The following SLC2A12 variants were observed in gnomAD, a reference collection of about 807,000 sequenced individuals.
SLC2A12 encodes the protein solute carrier family 2 member 12.
In SLC2A12, 23 loss-of-function variants were observed where a neutral mutation model predicts 41.8. The observed-to-expected ratio is 0.55, with a 90% CI of 0.40 to 0.78. SLC2A12 has a LOEUF of 0.78. SLC2A12 is among the 30% of genes least tolerant of loss of function. SLC2A12 has a pLI of 0.00. For missense variants in SLC2A12, 654 were observed against 745.6 expected, an observed-to-expected ratio of 0.88 and a Z score of 1.43; for synonymous variants, 295 against 285.9, an observed-to-expected ratio of 1.03 and a Z score of -0.32.
In SLC2A12 at chr6:134,007,034, G is replaced by A. The variant is rs183462850; in HGVS notation, c.1445-100C>T. 268 of 1,515,244 alleles carry A rather than the reference G, an allele frequency of 1.8e-4. No individual in the cohort carries two copies. The African/African-American group carries it at 2.5e-3, about 14-fold the overall frequency. The allele number at this position is 1,515,244 out of a possible 1,614,324, so 93.9% of individuals were successfully genotyped here. A position where few individuals can be genotyped will look rare whatever the true frequency, so the allele number is the denominator to read the frequency against. ...GATCTCTCCCTGCCCTCATCCTGCCGGGATTTGTGGTTGGGAAGCACCATT... is the reference window on the plus strand; with the variant it reads ...GATCTCTCCCTGCCCTCATCCTGCCAGGATTTGTGGTTGGGAAGCACCATT... On this transcript the variant is annotated intron_variant, in intron 2 of 4. Transcript: ENST00000275230.
At chr6:134,016,340 C>T (rs760030649) in intron 2 of SLC2A12, among the ~76,000 whole-genome samples, 13 of 151,838 alleles carry the variant, frequency 8.6e-5, no homozygotes, top group Middle Eastern at 3.4e-3. Flanking sequence ...GGAAGACATC[C>T]GGGTAGCTTA....
chr6:134,029,801 C>A, intron 1 of SLC2A12, 80 bp from the exon 2 acceptor site: 1 of 1,491,190 alleles, frequency 6.7e-7, no homozygotes, highest in Non-Finnish European at 8.9e-7. Context: ...GAGATTTAAC[C>A]TTGTAGAAGT....
chr6:134,049,110 G>A (rs958961702), intron 1 of SLC2A12, among the ~76,000 whole-genome samples: 4 of 152,296 alleles, frequency 2.6e-5, no homozygotes, highest in South Asian at 4.1e-4. Context: ...CTTTAAAAGC[G>A]TTTTGAGAAC....
At chr6:134,015,982 C>CT (rs1368106245) in intron 2 of SLC2A12, among the ~76,000 whole-genome samples, 1 of 152,162 alleles carries the variant, frequency 6.6e-6, no homozygotes, top group Non-Finnish European at 1.5e-5. Flanking sequence ...GCTCTATGGT[C>CT]TTTGAGTTTT....
chr6:133,995,523 ATCTGGAACATGTG>A (rs1431099669), intron 4 of SLC2A12, among the ~76,000 whole-genome samples: 1 of 152,162 alleles, frequency 6.6e-6, no homozygotes, highest in Non-Finnish European at 1.5e-5. Flanking sequence ...AGAGAAAGTG[ATCTGGAACATGTG>A]TCTAGGAGAG....
rs1296013819 is a variant in SLC2A12, at chr6:134,041,426, T to C, written c.103+10952A>G. 2.0e-5 allele frequency among the ~76,000 whole-genome samples: 3 copies of C among 151,920 alleles called. No homozygotes were observed. In the East Asian group the frequency reaches 5.8e-4, roughly 29 times the overall value. ...TGTGGCCAGAAGTTCAAGGCTGCAG[T>C]AAGCTATGATTTTACCTCTGCCCTT... On this transcript the variant is annotated intron_variant, in intron 1 of 4. Coordinates refer to ENST00000275230, the MANE Select transcript of SLC2A12 (RefSeq NM_145176.3).
At chr6:134,035,845 G>C (rs1424801488) in intron 1 of SLC2A12, among the ~76,000 whole-genome samples, 8 of 152,186 alleles carry the variant, frequency 5.3e-5, no homozygotes, top group Non-Finnish European at 1.2e-4. Context: ...TCAAAGCTGT[G>C]ATTCAATCAA....
At chr6:134,048,182 T>C (rs6916329) in intron 1 of SLC2A12, among the ~76,000 whole-genome samples, 9,537 of 152,242 alleles carry the variant, frequency 0.063, 700 homozygotes, top group African/African-American at 0.18. Flanking sequence ...CAAGTGAGGT[T>C]AAATGTACAG....
intron 1 of SLC2A12, among the ~76,000 whole-genome samples, chr6:134,041,252 C>T (rs1315708740): frequency 6.6e-6 from 1 of 152,082 alleles, no homozygotes; most frequent in Non-Finnish European, 1.5e-5. Context: ...TTTCAAAATG[C>T]AGTGAGTCAC....
intron 2 of SLC2A12, among the ~76,000 whole-genome samples, chr6:134,017,832 T>C (rs1157243046): frequency 6.8e-6 from 1 of 147,910 alleles, no homozygotes; most frequent in Non-Finnish European, 1.5e-5. Context: ...CCATCCAGCC[T>C]GGGCGACAGA....
chr6:134,029,016 C>T lies in SLC2A12; in HGVS notation c.809G>A (p.Arg270His), dbSNP rs144078437. The T allele has an allele frequency of 3.7e-5, 59 of 1,614,166 alleles. 1 individual carries two copies. The East Asian group carries it at 6.9e-4, about 19-fold the overall frequency. Reference sequence around the variant, plus strand: ...TCGGGTCCGCATGTTGTCTTTTGAACGAAACAGATCCCAAAAACTGTACTG... The same window carrying T: ...TCGGGTCCGCATGTTGTCTTTTGAATGAAACAGATCCCAAAAACTGTACTG... Reference protein sequence around the residue: ...EYQYSFWDLFRSKDNMRTRIM... With the variant: ...EYQYSFWDLFHSKDNMRTRIM... Residue 270 changes from arginine (R) to histidine (H), a missense_variant, in exon 2 of 5, where the codon CGT becomes CAT. Around this residue, in one of 3 missense-constraint regions of SLC2A12, gnomAD observed 411 missense variants for 412.1 expected, o/e 1.00. Coordinates refer to ENST00000275230, the MANE Select transcript of SLC2A12 (RefSeq NM_145176.3).
At chr6:134,041,778 GCTGTGGTGATTTTGCA>G (rs1395610443) in intron 1 of SLC2A12, among the ~76,000 whole-genome samples, 1 of 152,136 alleles carries the variant, frequency 6.6e-6, no homozygotes, top group Non-Finnish European at 1.5e-5. Flanking sequence ...GGCTTTCAAT[GCTGTGGTGATTTTGCA>G]CTTCTGTCTG....
At chr6:134,042,665 G>A (rs1310708791) in intron 1 of SLC2A12, among the ~76,000 whole-genome samples, 2 of 151,918 alleles carry the variant, frequency 1.3e-5, no homozygotes, top group Non-Finnish European at 2.9e-5. Context: ...TTTAAAAGTT[G>A]ATTTATAAGA....
At position 134,028,898 on chromosome 6, in the gene SLC2A12, T is replaced by G; in HGVS notation, c.927A>C (p.Gly309=). ...FYASTVLKSV[G]FQSNEAASLA... is the part of the protein sequence containing the mutation. ...GGCTAGCTGCCTCATTGCTTTGAAA[T>G]CCAACTGACTTCAAAACAGTTGATG... The change falls in exon 2 of 5, where the codon GGA becomes GGC. Residue 309 remains glycine, a synonymous_variant. Coordinates refer to ENST00000275230, the MANE Select transcript of SLC2A12 (RefSeq NM_145176.3). 6.2e-7 allele frequency: 1 copy of G among 1,614,222 alleles called. No homozygotes were observed. Among genetic ancestry groups the G allele is most frequent in the South Asian group, 1.1e-5 (1 of 91,082 alleles).
intron 2 of SLC2A12, among the ~76,000 whole-genome samples, chr6:134,021,383 G>C (rs1212928129): frequency 6.6e-6 from 1 of 152,068 alleles, no homozygotes; most frequent in Non-Finnish European, 1.5e-5. Context: ...GGGACAGAAA[G>C]AAAAAATATG....
At chr6:133,994,154 C>T (rs531069562) in intron 4 of SLC2A12, among the ~76,000 whole-genome samples, 123 of 152,272 alleles carry the variant, frequency 8.1e-4, no homozygotes, top group African/African-American at 2.9e-3. Flanking sequence ...GCCAACACAA[C>T]TTCCTGATAG....
intron 4 of SLC2A12, 58 bp downstream of exon 4, chr6:134,001,939 A>G: frequency 6.4e-7 from 1 of 1,565,038 alleles, no homozygotes; most frequent in Non-Finnish European, 8.6e-7. Context: ...TGCTGTATAT[A>G]AAAGCTGCAC....
chr6:134,003,130 G>A (rs955948399), intron 3 of SLC2A12, among the ~76,000 whole-genome samples: 2 of 152,230 alleles, frequency 1.3e-5, no homozygotes, highest in Non-Finnish European at 2.9e-5. Context: ...TACTGAGGCA[G>A]TGTTTGTAAA....
intron 2 of SLC2A12, among the ~76,000 whole-genome samples, chr6:134,017,325 GTCAGAGTCATACCAGAGGACA>G (rs2114452672): frequency 6.6e-6 from 1 of 152,212 alleles, no homozygotes; most frequent in Admixed American, 6.5e-5. Flanking sequence ...TGGATATTGG[GTCAGAGTCATACCAGAGGACA>G]TCAAGATATC....
Sources: allele counts gnomAD v4.1 joint callset (sites outside exome capture counted in the v4.1 genomes callset), GRCh38; gene constraint gnomAD v4.1.1; regional missense constraint gnomAD v4.1.1; transcripts MANE v1.5; gene names NCBI Gene and HGNC (gene_info 2026-07-23, HGNC 2026-07-21).